FAM193A: variants seen among roughly 807,000 people sequenced by gnomAD.
The protein encoded by FAM193A is family with sequence similarity 193 member A.
Under a neutral mutation model 126.5 loss-of-function variants are expected in FAM193A, and 22 were observed. That is an observed-to-expected ratio of 0.17 (90% confidence interval 0.12 to 0.25). The LOEUF (loss-of-function observed/expected upper bound fraction) is 0.25. Among genes scored for constraint, FAM193A ranks in the 10% least tolerant of loss-of-function variants. FAM193A has a pLI of 1.00. For missense variants in FAM193A, 1,675 were observed against 1,672.8 expected, an observed-to-expected ratio of 1.00 and a Z score of -0.02; for synonymous variants, 761 against 646.8, an observed-to-expected ratio of 1.18 and a Z score of -2.68.
chr4:2,683,170 T>C (rs1715344584), intron 13 of FAM193A, among the ~76,000 whole-genome samples: 2 of 152,226 alleles, frequency 1.3e-5, no homozygotes, highest in South Asian at 4.1e-4. Flanking sequence ...CCTCTGTCCT[T>C]GCTGGCATGG....
At position 2,659,620 on chromosome 4, in the gene FAM193A, A is replaced by G. The variant is rs1712157210; in HGVS notation, c.1452A>G (p.Leu484=). ...NNFTDTMRHM[L]SSRLSMPDCP... ...TCACAGACACCATGAGGCACATGTT[A>G]TCGTCCCGGCTGAGCATGCCCGACT... The change falls in exon 9 of 21, where the codon TTA becomes TTG. Residue 484 remains leucine (L), a synonymous_variant. Transcript: ENST00000637812. 1 of 1,614,078 alleles carries G rather than the reference A, an allele frequency of 6.2e-7. No homozygotes were observed. Among genetic ancestry groups the G allele is most frequent in the African/African-American group, 1.3e-5 (1 of 74,922 alleles).
Position 2,663,111 on chromosome 4 carries a change from T to A in FAM193A, c.1902T>A (p.Ser634=), listed in dbSNP as rs776552911. The part of the protein sequence containing the change: ...GGENMALKDE[S]PQISSTSSSS... ...ATTACAAAAGATTGTCTTTAAAGTC[T>A]CCTCAGATAAGCAGTACCAGCAGTA... The change falls in exon 12 of 21, where the codon TCT becomes TCA. Residue 634 remains serine (S), a splice_region_variant and synonymous_variant. Coordinates refer to ENST00000637812, the MANE Select transcript of FAM193A (RefSeq NM_001366318.2). The A allele has an allele frequency of 3.1e-6, 5 of 1,610,950 alleles. No individual in the cohort carries two copies. In the Admixed American group the frequency reaches 8.4e-5, roughly 27 times the overall value.
intron 1 of FAM193A, among the ~76,000 whole-genome samples, chr4:2,572,243 C>T (rs936259228): frequency 5.3e-5 from 8 of 149,726 alleles, no homozygotes; most frequent in Non-Finnish European, 1.0e-4. Flanking sequence ...GCAGGAGAAT[C>T]GCTTGAACCT....
chr4:2,575,549 C>T (rs148129736), intron 1 of FAM193A, among the ~76,000 whole-genome samples: 162 of 150,374 alleles, frequency 1.1e-3, no homozygotes, highest in African/African-American at 3.9e-3. Context: ...TCGCTGCAAC[C>T]TCTGCTTCCC....
At chr4:2,607,776 C>T (rs1420066895) in intron 2 of FAM193A, 4 of 502,004 alleles carry the variant, frequency 8.0e-6, no homozygotes, top group Non-Finnish European at 1.0e-5. Flanking sequence ...CCTCGGACCA[C>T]ACTTTGAGAA....
At chr4:2,578,831 G>C (rs1182368493) in intron 1 of FAM193A, among the ~76,000 whole-genome samples, 1 of 152,094 alleles carries the variant, frequency 6.6e-6, no homozygotes, top group African/African-American at 2.4e-5. Flanking sequence ...CATGATAAAG[G>C]TCTTCATCCT....
At chr4:2,610,464 T>G (rs1480656378) in intron 2 of FAM193A, among the ~76,000 whole-genome samples, 1 of 152,234 alleles carries the variant, frequency 6.6e-6, no homozygotes, top group Non-Finnish European at 1.5e-5. Context: ...GTTGCTAATG[T>G]AATTTGTTGG....
chr4:2,624,969 C>G (rs1281318946), intron 2 of FAM193A, among the ~76,000 whole-genome samples: 2 of 152,164 alleles, frequency 1.3e-5, no homozygotes, highest in African/African-American at 4.8e-5. Flanking sequence ...GTGATCCTGT[C>G]ACCTCAGCCT....
At chr4:2,698,180 G>A (rs1242486430) in intron 18 of FAM193A, among the ~76,000 whole-genome samples, 8 of 152,348 alleles carry the variant, frequency 5.3e-5, no homozygotes, top group African/African-American at 1.2e-4. Flanking sequence ...ACTCTGTCCC[G>A]TAGCAGGTCC....
intron 15 of FAM193A, 66 bp downstream of exon 15, chr4:2,691,036 T>G: frequency 6.9e-7 from 1 of 1,443,052 alleles, no homozygotes; most frequent in Non-Finnish European, 9.4e-7. Context: ...ACTTCTCGTC[T>G]TTGTAACTCA....
chr4:2,604,691 T>G (rs143445633), intron 2 of FAM193A, among the ~76,000 whole-genome samples: 1 of 152,190 alleles, frequency 6.6e-6, no homozygotes, highest in African/African-American at 2.4e-5. Context: ...AATTTTGATT[T>G]CTTTGTGTTA....
At chr4:2,614,105 C>T (rs563939875) in intron 2 of FAM193A, among the ~76,000 whole-genome samples, 4 of 152,222 alleles carry the variant, frequency 2.6e-5, no homozygotes, top group East Asian at 1.9e-4. Flanking sequence ...ATGATCATGT[C>T]GTCTACAAAT....
At chr4:2,731,670 C>A (rs566337410) in intron 20 of FAM193A, 105 bp from the exon 21 acceptor site, 1 of 838,798 alleles carries the variant, frequency 1.2e-6, no homozygotes, top group Non-Finnish European at 2.0e-6. Flanking sequence ...CCCCTGACCC[C>A]GCAGTGAGTT....
intron 1 of FAM193A, among the ~76,000 whole-genome samples, chr4:2,564,896 C>G (rs530015958): frequency 6.6e-6 from 1 of 152,152 alleles, no homozygotes; most frequent in African/African-American, 2.4e-5. Flanking sequence ...AGCCTGAACT[C>G]CTGGGCTCAA....
chr4:2,604,000 G>A (rs1049934289), intron 2 of FAM193A, among the ~76,000 whole-genome samples: 1 of 151,752 alleles, frequency 6.6e-6, no homozygotes, highest in African/African-American at 2.4e-5. Flanking sequence ...GTGTCACCAT[G>A]CCCAGCTAAT....
At chr4:2,678,359 G>GTTTTTTTTTTTTT (rs1553907903) in intron 13 of FAM193A, among the ~76,000 whole-genome samples, 1 of 141,698 alleles carries the variant, frequency 7.1e-6, no homozygotes. Context: ...TGGTTTTGGT[G>GTTTTTTTTTTTTT]GTTTTTTTTT....
chr4:2,696,605 T>A lies in FAM193A; in HGVS notation c.3507+12T>A. 6.2e-7 allele frequency: 1 copy of A among 1,608,182 alleles called. No individual in the cohort carries two copies. The highest frequency in any genetic ancestry group is 1.1e-5 in the South Asian group (1 of 90,914). On this transcript the variant is annotated intron_variant, in intron 18 of 20. Coordinates refer to ENST00000637812, the MANE Select transcript of FAM193A (RefSeq NM_001366318.2). The stretch of plus-strand genomic sequence containing the variant: ...ATAAGCAAAGGAAGGCAAGTGACAG[T>A]TCTCAGCACCTGGAGGCGCCAGGTC...
intron 12 of FAM193A, among the ~76,000 whole-genome samples, chr4:2,665,248 T>A (rs751188833): frequency 4.6e-5 from 7 of 152,250 alleles, no homozygotes; most frequent in Non-Finnish European, 8.8e-5. Flanking sequence ...TAATTTTGAT[T>A]TCCAATTGAT....
intron 20 of FAM193A, among the ~76,000 whole-genome samples, chr4:2,726,190 C>A (rs775645146): frequency 6.6e-6 from 1 of 152,136 alleles, no homozygotes; most frequent in Non-Finnish European, 1.5e-5. Context: ...TGAGCCACCA[C>A]GCCCAGCCTC....
Sources: allele counts gnomAD v4.1 joint callset (sites outside exome capture counted in the v4.1 genomes callset), GRCh38; gene constraint gnomAD v4.1.1; transcripts MANE v1.5; gene names NCBI Gene and HGNC (gene_info 2026-07-23, HGNC 2026-07-21).